ROBO1: variants seen among roughly 807,000 people sequenced by gnomAD.
The protein encoded by ROBO1 is roundabout homolog 1.
Under a neutral mutation model 195.9 loss-of-function variants are expected in ROBO1, and 149 were observed. The ratio of observed to expected loss-of-function variants is 0.76; its 90% CI spans 0.67 to 0.87. The LOEUF is 0.87. Ranked by LOEUF, ROBO1 falls within the 40% of genes least tolerant of loss-of-function variation. The pLI is 0.00. For missense variants in ROBO1, 1,933 were observed against 2,068.3 expected (o/e 0.93, Z 1.27); for synonymous variants, 816 against 733.2 (o/e 1.11, Z -1.82).
At chr3:79,756,658 T>G (rs1217118502) in intron 1 of ROBO1, among the ~76,000 whole-genome samples, 1 of 152,062 alleles carries the variant, frequency 6.6e-6, no homozygotes, top group Non-Finnish European at 1.5e-5. Context: ...TTTATTGTGG[T>G]AAAATATATG....
At chr3:79,304,811 T>C (rs542014075) in intron 2 of ROBO1, among the ~76,000 whole-genome samples, 23 of 152,356 alleles carry the variant, frequency 1.5e-4, no homozygotes, top group African/African-American at 4.1e-4. Context: ...TTTGTAAACA[T>C]TTGTTTACAT....
intron 1 of ROBO1, among the ~76,000 whole-genome samples, chr3:79,766,306 C>G (rs1704987199): frequency 6.6e-6 from 1 of 151,766 alleles, no homozygotes; most frequent in Non-Finnish European, 1.5e-5. Context: ...CTTCTTTCCC[C>G]CTTCGTGTCC....
At chr3:78,842,586 T>G (rs2033340659) in intron 4 of ROBO1, among the ~76,000 whole-genome samples, 1 of 51,430 alleles carries the variant, frequency 1.9e-5, no homozygotes, top group Non-Finnish European at 3.9e-5. Flanking sequence ...TATATTTATA[T>G]ATGAGCCATA....
intron 1 of ROBO1, among the ~76,000 whole-genome samples, chr3:79,740,766 GA>G (rs758885087): frequency 9.9e-5 from 15 of 152,216 alleles, no homozygotes; most frequent in Non-Finnish European, 1.9e-4. Flanking sequence ...CTTAATCTTG[GA>G]TATTTGGAAT....
At chr3:79,026,138 A>G (rs1199158167) in intron 3 of ROBO1, among the ~76,000 whole-genome samples, 2 of 152,110 alleles carry the variant, frequency 1.3e-5, no homozygotes, top group Admixed American at 6.5e-5. Flanking sequence ...TTGTAGCTCC[A>G]GTTTCTAATA....
At chr3:79,296,730 C>T (rs2032615675) in intron 2 of ROBO1, among the ~76,000 whole-genome samples, 1 of 152,140 alleles carries the variant, frequency 6.6e-6, no homozygotes, top group African/African-American at 2.4e-5. Flanking sequence ...AGAATAGTCT[C>T]CTTTGAGAGA....
chr3:79,638,416 A>T (rs562118929), intron 1 of ROBO1, among the ~76,000 whole-genome samples: 3 of 152,190 alleles, frequency 2.0e-5, no homozygotes, highest in East Asian at 3.9e-4. Flanking sequence ...TTTGAGACAG[A>T]GTCTTGCTCT....
intron 2 of ROBO1, among the ~76,000 whole-genome samples, chr3:79,234,623 A>G (rs2082376256): frequency 6.6e-6 from 1 of 152,194 alleles, no homozygotes; most frequent in Non-Finnish European, 1.5e-5. Context: ...CATATACACC[A>G]TGGAATACTA....
At chr3:79,228,267 A>G (rs2082261386) in intron 2 of ROBO1, among the ~76,000 whole-genome samples, 2 of 152,158 alleles carry the variant, frequency 1.3e-5, no homozygotes, top group African/African-American at 4.8e-5. Flanking sequence ...AAAATTGGAT[A>G]ATTTTTGCAT....
intron 1 of ROBO1, among the ~76,000 whole-genome samples, chr3:79,642,306 A>G (rs991621705): frequency 2.0e-5 from 3 of 152,102 alleles, no homozygotes; most frequent in African/African-American, 7.2e-5. Flanking sequence ...AAATATAAGA[A>G]TTATTAGTAT....
chr3:78,783,968 T>C (rs1394853846), intron 4 of ROBO1, among the ~76,000 whole-genome samples: 2 of 152,122 alleles, frequency 1.3e-5, no homozygotes, highest in Admixed American at 1.3e-4. Flanking sequence ...CTATGAAATA[T>C]TAAGTGGCTT....
chr3:79,380,435 A>T (rs2036530212), intron 2 of ROBO1, among the ~76,000 whole-genome samples: 1 of 152,118 alleles, frequency 6.6e-6, no homozygotes. Context: ...CATTGCTTTA[A>T]TATTTCACCA....
intron 1 of ROBO1, among the ~76,000 whole-genome samples, chr3:79,748,232 GAT>G (rs1393925392): frequency 6.6e-6 from 1 of 152,182 alleles, no homozygotes. Flanking sequence ...CTGATAGTGA[GAT>G]ATGCACTTAG....
At chr3:79,376,154 T>C (rs1290607726) in intron 2 of ROBO1, among the ~76,000 whole-genome samples, 1 of 152,194 alleles carries the variant, frequency 6.6e-6, no homozygotes, top group African/African-American at 2.4e-5. Flanking sequence ...ACACAATTCA[T>C]TTTTGAGCCA....
chr3:79,059,393 C>A (rs1337766207), intron 3 of ROBO1, among the ~76,000 whole-genome samples: 1 of 152,006 alleles, frequency 6.6e-6, no homozygotes, highest in Non-Finnish European at 1.5e-5. Context: ...TGGAATTATG[C>A]TTCTCTGTTT....
intron 5 of ROBO1, among the ~76,000 whole-genome samples, chr3:78,718,205 G>A (rs1383869253): frequency 6.6e-6 from 1 of 152,056 alleles, no homozygotes; most frequent in Admixed American, 6.6e-5. Context: ...AAAAAATTGC[G>A]TGAATAATTT....
At chr3:79,486,120 C>T (rs909942012) in intron 2 of ROBO1, among the ~76,000 whole-genome samples, 2 of 152,024 alleles carry the variant, frequency 1.3e-5, no homozygotes, top group Non-Finnish European at 2.9e-5. Context: ...ACAAGGATAA[C>T]CTTAAAGATT....
At chr3:78,744,432 T>C (rs1323005028) in intron 5 of ROBO1, among the ~76,000 whole-genome samples, 1 of 152,170 alleles carries the variant, frequency 6.6e-6, no homozygotes, top group East Asian at 1.9e-4. Context: ...GAGCAGAGGC[T>C]TCCCACCTTA....
At chr3:79,606,388 T>C (rs1944485857) in intron 1 of ROBO1, among the ~76,000 whole-genome samples, 1 of 151,990 alleles carries the variant, frequency 6.6e-6, no homozygotes, top group Non-Finnish European at 1.5e-5. Flanking sequence ...CCTCTCTCTT[T>C]GTGTCTGTCT....
Sources: gnomAD v4.1 joint callset for allele counts (sites outside exome capture counted in the v4.1 genomes callset) on GRCh38, gnomAD v4.1.1 for gene constraint, MANE v1.5 for transcripts, NCBI Gene and HGNC (gene_info 2026-07-23, HGNC 2026-07-21) for gene names.